The following MAL2 variants were observed in gnomAD, a reference collection of about 807,000 sequenced individuals.
MAL2 encodes the protein mal, T cell differentiation protein 2, also known as protein MAL2.
MAL2 carries 17 observed loss-of-function variants against 18.1 expected under a neutral mutation model. The ratio of observed to expected loss-of-function variants is 0.94; its 90% CI spans 0.64 to 1.41. MAL2 has a LOEUF of 1.41. MAL2 is among the 40% of genes most tolerant of loss of function. MAL2 has a pLI of 0.00. For missense variants in MAL2, 222 were observed against 231.9 expected (o/e 0.96, Z 0.28); for synonymous variants, 102 against 102.3 (o/e 1.00, Z 0.02).
chr8:119,231,419 A>G (rs1334566220), intron 2 of MAL2, among the ~76,000 whole-genome samples: 1 of 152,372 alleles, frequency 6.6e-6, no homozygotes, highest in East Asian at 1.9e-4. Flanking sequence ...TAATATTGCT[A>G]TAACGGTAAT....
chr8:119,243,412 C>G lies in MAL2; in HGVS notation c.460-5C>G. 6.3e-7 allele frequency: 1 copy of G among 1,578,260 alleles called. No homozygotes were observed. Among genetic ancestry groups the G allele is most frequent in the Non-Finnish European group, 8.6e-7 (1 of 1,160,532 alleles). ...TGATGTGAATTTTTGTTTCTTTTTT[C>G]TTAGATTTTTGCCTTTATGACGACA... is the stretch of plus-strand genomic sequence containing the variant. On this transcript the variant is annotated splice_polypyrimidine_tract_variant and splice_region_variant and intron_variant, in intron 3 of 3. Coordinates refer to ENST00000614891, the MANE Select transcript of MAL2 (RefSeq NM_052886.3).
intron 2 of MAL2, among the ~76,000 whole-genome samples, chr8:119,222,460 G>T (rs1014140611): frequency 1.5e-4 from 23 of 151,162 alleles, no homozygotes; most frequent in African/African-American, 5.6e-4. Context: ...AACCCGGGAG[G>T]CAGTGAGCCT....
intron 1 of MAL2, among the ~76,000 whole-genome samples, chr8:119,212,417 C>A (rs993502445): frequency 6.6e-6 from 1 of 152,116 alleles, no homozygotes; most frequent in African/African-American, 2.4e-5. Flanking sequence ...TTTTGGATGC[C>A]ATAGTAATTT....
At chr8:119,226,409 C>T (rs569571610) in intron 2 of MAL2, among the ~76,000 whole-genome samples, 417 of 140,040 alleles carry the variant, frequency 3.0e-3, no homozygotes, top group African/African-American at 0.01. Context: ...CTTTCCCCCC[C>T]TTTTTTTTTT....
intron 2 of MAL2, among the ~76,000 whole-genome samples, chr8:119,226,520 G>A (rs1035941857): frequency 6.0e-5 from 9 of 149,780 alleles, no homozygotes; most frequent in African/African-American, 2.2e-4. Flanking sequence ...TGGGGTGGAA[G>A]CTATGCCTGA....
intron 1 of MAL2, among the ~76,000 whole-genome samples, chr8:119,210,292 C>A (rs1817249866): frequency 6.6e-6 from 1 of 151,958 alleles, no homozygotes; most frequent in South Asian, 2.1e-4. Context: ...AAGGCTTATC[C>A]ATATGCCCTC....
chr8:119,226,335 C>G (rs1287515942), intron 2 of MAL2, among the ~76,000 whole-genome samples: 1 of 151,836 alleles, frequency 6.6e-6, no homozygotes, highest in Non-Finnish European at 1.5e-5. Context: ...AGGAAGGGAT[C>G]CAGTTTCAGC....
intron 1 of MAL2, among the ~76,000 whole-genome samples, chr8:119,210,922 A>G (rs527627904): frequency 6.6e-6 from 1 of 152,276 alleles, no homozygotes; most frequent in Admixed American, 6.5e-5. Flanking sequence ...GTTCCAATGA[A>G]ACTGGTGACG....
chr8:119,221,614 G>A lies in MAL2; in HGVS notation c.160G>A (p.Val54Ile), dbSNP rs1366851585. ...ILFGGLVWIL[V>I]ASSNVPLPLL... Reference sequence around the variant, plus strand: ...GTTCGGGGGTCTTGTCTGGATTTTGGTTGCCTCCTCCAATGTTCCTCTACC... The same window carrying A: ...GTTCGGGGGTCTTGTCTGGATTTTGATTGCCTCCTCCAATGTTCCTCTACC... The change falls in exon 2 of 4, where the codon GTT (valine) becomes ATT (isoleucine). Residue 54 changes from valine to isoleucine, a missense_variant. By Grantham distance (29) the Val-to-Ile change is conservative. Coordinates refer to ENST00000614891, the MANE Select transcript of MAL2 (RefSeq NM_052886.3). 8 of 1,613,742 alleles carry A rather than the reference G, an allele frequency of 5.0e-6. No individual in the cohort carries two copies. Among genetic ancestry groups the A allele is most frequent in the Admixed American group, 1.7e-5 (1 of 59,996 alleles).
Position 119,208,458 on chromosome 8 carries a change from A to C in MAL2, c.-15A>C, listed in dbSNP as rs1321590282. On this transcript the variant is annotated 5_prime_UTR_variant, in exon 1 of 4. Transcript: ENST00000614891. The surrounding 1 kb of genome is among the most constrained non-coding windows in gnomAD (Gnocchi z 4.3). ...CGGCGGCGGCGCGCGGAGACGCAGC[A>C]GCGGCAGCGGCAGCATGTCGGCCGG... 2 of 1,225,628 alleles carry C rather than the reference A, an allele frequency of 1.6e-6. No homozygotes were observed. Among genetic ancestry groups the C allele is most frequent in the African/African-American group, 3.2e-5 (2 of 63,044 alleles). 75.9% of individuals were successfully genotyped at this position (1,225,628 alleles called of 1,614,324 possible). A position where few individuals can be genotyped will look rare whatever the true frequency, so the allele number is the denominator to read the frequency against.
At position 119,208,770 on chromosome 8, in the gene MAL2, C is replaced by A; in HGVS notation, c.132+166C>A. The A allele has an allele frequency of 9.3e-7, 1 of 1,072,864 alleles. No homozygotes were observed. Among genetic ancestry groups the A allele is most frequent in the Non-Finnish European group, 1.2e-6 (1 of 847,186 alleles). 66.5% of individuals were successfully genotyped at this position (1,072,864 alleles called of 1,614,324 possible). A position where few individuals can be genotyped will look rare whatever the true frequency, so the allele number is the denominator to read the frequency against. ...GTCCTCTCGGTGCCCCGCGCCGCCG[C>A]CCGGGCCCTCCCTCCTAGCACCTGT... On this transcript the variant is annotated intron_variant, in intron 1 of 3. Coordinates refer to ENST00000614891, the MANE Select transcript of MAL2 (RefSeq NM_052886.3). This position sits in a 1 kb window ranked among gnomAD's most constrained non-coding sequence, Gnocchi z 4.3.
chr8:119,240,136 T>C (rs1193738967), intron 2 of MAL2, 29 bp from the exon 3 acceptor site: 1 of 1,598,664 alleles, frequency 6.3e-7, no homozygotes, highest in Non-Finnish European at 8.5e-7. Context: ...TTTTTTTTAA[T>C]TGCAGATGTC....
intron 2 of MAL2, among the ~76,000 whole-genome samples, chr8:119,231,231 ACTGTGTTAGCCAGGATG>A (rs550240361): frequency 1.3e-5 from 2 of 152,200 alleles, no homozygotes; most frequent in South Asian, 4.2e-4. Flanking sequence ...ACAGGGTTTC[ACTGTGTTAGCCAGGATG>A]GTCTCTCTCT....
chr8:119,228,861 A>C (rs993237147), intron 2 of MAL2, among the ~76,000 whole-genome samples: 1 of 152,178 alleles, frequency 6.6e-6, no homozygotes, highest in Non-Finnish European at 1.5e-5. Flanking sequence ...CTCAGTTTTC[A>C]TTCATTTACT....
chr8:119,227,194 A>G (rs1349458018), intron 2 of MAL2, among the ~76,000 whole-genome samples: 1 of 152,248 alleles, frequency 6.6e-6, no homozygotes, highest in Non-Finnish European at 1.5e-5. Context: ...TTAGTAGCCA[A>G]AAAGGAAAAG....
chr8:119,238,658 A>C (rs1409024293), intron 2 of MAL2, among the ~76,000 whole-genome samples: 1 of 149,938 alleles, frequency 6.7e-6, no homozygotes, highest in Middle Eastern at 3.2e-3. Flanking sequence ...CAAACCTGAG[A>C]AAAACAAGCA....
chr8:119,232,451 CAG>C (rs1340979308), intron 2 of MAL2, among the ~76,000 whole-genome samples: 1 of 152,038 alleles, frequency 6.6e-6, no homozygotes, highest in Non-Finnish European at 1.5e-5. Flanking sequence ...TAAAAATAAA[CAG>C]TGATGTGTTG....
intron 2 of MAL2, among the ~76,000 whole-genome samples, chr8:119,224,774 T>TA (rs1439452635): frequency 6.6e-6 from 1 of 152,188 alleles, no homozygotes; most frequent in Non-Finnish European, 1.5e-5. Flanking sequence ...GGTTCCCACT[T>TA]ACAACTGAGA....
In MAL2 at chr8:119,229,497, G is replaced by C. The variant is rs149005038; in HGVS notation, c.303+7740G>C. Among the ~76,000 whole-genome samples, 430 of 152,172 alleles carry C rather than the reference G, an allele frequency of 2.8e-3. 1 individual carries two copies. Among genetic ancestry groups the C allele is most frequent in the African/African-American group, 9.8e-3 (405 of 41,512 alleles). On this transcript the variant is annotated intron_variant, in intron 2 of 3. Transcript: ENST00000614891. ...CCAGCTAATTTTTGTATTTTTAGTA[G>C]AGATGGGCTTTTGCCATGTTGGCTA... is the stretch of plus-strand genomic sequence containing the variant.
Sources: gnomAD v4.1 joint callset for allele counts (sites outside exome capture counted in the v4.1 genomes callset) on GRCh38, gnomAD v4.1.1 for gene constraint, Gnocchi (gnomAD v3.1) non-coding constraint, MANE v1.5 for transcripts, NCBI Gene and HGNC (gene_info 2026-07-23, HGNC 2026-07-21) for gene names.